RAP1A: variants seen among roughly 807,000 people sequenced by gnomAD.
RAP1A encodes ras-related protein Rap-1A.
Under a neutral mutation model 26.4 loss-of-function variants are expected in RAP1A, and 6 were observed. That is an observed-to-expected ratio of 0.23 (90% CI 0.12 to 0.45). The LOEUF (loss-of-function observed/expected upper bound fraction) is 0.45. Among genes scored for constraint, RAP1A ranks in the 20% least tolerant of loss-of-function variants. The pLI, the probability that RAP1A is intolerant of heterozygous loss-of-function variation, is 0.99. For missense variants in RAP1A, 121 were observed against 217.2 expected, an observed-to-expected ratio of 0.56 and a Z score of 2.78; for synonymous variants, 73 against 79.4, an observed-to-expected ratio of 0.92 and a Z score of 0.43.
At chr1:111,698,844 C>T (rs562632938) in intron 4 of RAP1A, among the ~76,000 whole-genome samples, 1 of 152,194 alleles carries the variant, frequency 6.6e-6, no homozygotes, top group East Asian at 1.9e-4. Context: ...CTATCTCTCC[C>T]TCTCCCACCC....
chr1:111,655,619 AAACTAATCTCCATGAAG>A (rs147154823), intron 1 of RAP1A, among the ~76,000 whole-genome samples: 8,929 of 150,900 alleles, frequency 0.059, 290 homozygotes, highest in South Asian at 0.085. Context: ...CCAGTTGATA[AAACTAATCTCCATGAAG>A]AACCTTAAAA....
intron 1 of RAP1A, among the ~76,000 whole-genome samples, chr1:111,625,269 A>G (rs1377667058): frequency 6.6e-6 from 1 of 152,004 alleles, no homozygotes; most frequent in Non-Finnish European, 1.5e-5. Context: ...GGTAAAAGAT[A>G]ATTTTGTTCA....
intron 1 of RAP1A, among the ~76,000 whole-genome samples, chr1:111,549,720 C>T (rs1393671291): frequency 6.6e-6 from 1 of 151,944 alleles, no homozygotes; most frequent in African/African-American, 2.4e-5. Context: ...CAAATCATAG[C>T]TCACTGAAGC....
Position 111,603,492 on chromosome 1 carries a change from T to C in RAP1A, c.-28+60983T>C, listed in dbSNP as rs549278023. ...CCAAGTTTGGCAGAGCTGAAGCCAT[T>C]GGTAGGATGTTCTGGGGTGCACTGA... On this transcript the variant is annotated intron_variant, in intron 1 of 7. Transcript: ENST00000356415. Among the ~76,000 whole-genome samples, 17 of 152,366 alleles carry C rather than the reference T, an allele frequency of 1.1e-4. No individual in the cohort carries two copies. The South Asian group carries it at 3.5e-3, about 32-fold the overall frequency.
At chr1:111,570,123 G>A (rs144739846) in intron 1 of RAP1A, among the ~76,000 whole-genome samples, 1 of 152,266 alleles carries the variant, frequency 6.6e-6, no homozygotes, top group Non-Finnish European at 1.5e-5. Flanking sequence ...TGCCCTGTGA[G>A]CAAACAGCCA....
intron 1 of RAP1A, among the ~76,000 whole-genome samples, chr1:111,559,255 C>G (rs953782269): frequency 1.3e-5 from 2 of 152,048 alleles, no homozygotes; most frequent in African/African-American, 4.8e-5. Flanking sequence ...ATAAGATAAT[C>G]AACTAACACA....
At chr1:111,655,014 CAG>C (rs1390209959) in intron 1 of RAP1A, among the ~76,000 whole-genome samples, 1 of 151,592 alleles carries the variant, frequency 6.6e-6, no homozygotes, top group Admixed American at 6.6e-5. Flanking sequence ...CCAGCGGTGA[CAG>C]AGTGAGACCC....
Position 111,650,472 on chromosome 1 carries a change from G to T in RAP1A, c.-28+30538G>T, listed in dbSNP as rs1407807189. 5 of 152,098 alleles carry T rather than the reference G, an allele frequency of 3.3e-5. No homozygotes were observed. In the East Asian group the frequency reaches 9.6e-4, roughly 29 times the overall value. 9.4% of individuals were successfully genotyped at this position (152,098 alleles called of 1,614,324 possible). A position where few individuals can be genotyped will look rare whatever the true frequency, so the allele number is the denominator to read the frequency against. ...TCATGAATTTGTGTGTCATTCTTAT[G>T]CAGGGGCCATGTTAATCTTCCCTAT... On this transcript the variant is annotated intron_variant, in intron 1 of 7. Coordinates refer to ENST00000369709, the MANE Select transcript of RAP1A (RefSeq NM_002884.4).
At chr1:111,618,374 A>G (rs1659060215), upstream of RAP1A, among the ~76,000 whole-genome samples, 1 of 152,166 alleles carries the variant, frequency 6.6e-6, no homozygotes, top group South Asian at 2.1e-4. Flanking sequence ...CCTTCCTGAA[A>G]CAATTATCTT....
chr1:111,643,811 A>C (rs1360397477), intron 1 of RAP1A, among the ~76,000 whole-genome samples: 2 of 152,224 alleles, frequency 1.3e-5, no homozygotes, highest in African/African-American at 4.8e-5. Context: ...ACATTCACAT[A>C]CCATACACAC....
chr1:111,559,076 A>T (rs74112338), intron 1 of RAP1A, among the ~76,000 whole-genome samples: 7,600 of 152,216 alleles, frequency 0.05, 390 homozygotes, highest in East Asian at 0.18. Context: ...GATAATTTTT[A>T]AAAAACATGT....
intron 3 of RAP1A, among the ~76,000 whole-genome samples, chr1:111,696,262 A>G (rs1219095112): frequency 2.0e-5 from 3 of 152,186 alleles, no homozygotes; most frequent in Admixed American, 2.0e-4. Flanking sequence ...AAAAGATTAA[A>G]CTTTAATAGG....
intron 1 of RAP1A, chr1:111,649,075 C>T (rs2101131776): frequency 1.6e-6 from 1 of 611,738 alleles, no homozygotes; most frequent in South Asian, 1.4e-5. Flanking sequence ...AGCTCTGTCT[C>T]ATACTTGACT....
intron 1 of RAP1A, among the ~76,000 whole-genome samples, chr1:111,547,668 A>G (rs1236446754): frequency 6.6e-6 from 1 of 152,148 alleles, no homozygotes; most frequent in Non-Finnish European, 1.5e-5. Flanking sequence ...CAGATTTTTT[A>G]AAGATTAAGA....
intron 1 of RAP1A, chr1:111,648,171 A>C: frequency 4.4e-6 from 1 of 225,260 alleles, no homozygotes; most frequent in South Asian, 8.9e-5. Flanking sequence ...CCCAGGTTCA[A>C]ACAGTGTGTG....
chr1:111,691,786 T>C (rs1167997849), intron 2 of RAP1A, among the ~76,000 whole-genome samples: 1 of 152,232 alleles, frequency 6.6e-6, no homozygotes, highest in Non-Finnish European at 1.5e-5. Flanking sequence ...TTAGATGGAA[T>C]GAAGGTCATT....
chr1:111,563,457 T>C (rs576734793), intron 1 of RAP1A, among the ~76,000 whole-genome samples: 1 of 152,328 alleles, frequency 6.6e-6, no homozygotes, highest in Admixed American at 6.5e-5. Context: ...GAGATTTGTT[T>C]TTCTGAACCT....
intron 1 of RAP1A, chr1:111,602,353 A>T (rs977425774): frequency 6.6e-6 from 1 of 152,246 alleles, no homozygotes; most frequent in Non-Finnish European, 1.5e-5. Flanking sequence ...AGAGCCAAAT[A>T]GTTATCTTTA....
chr1:111,580,211 A>G (rs1002187354), intron 1 of RAP1A, among the ~76,000 whole-genome samples: 11 of 152,214 alleles, frequency 7.2e-5, no homozygotes, highest in African/African-American at 2.7e-4. Flanking sequence ...AAAGTCAAAA[A>G]TTGGTAAGTT....
Sources: allele counts gnomAD v4.1 joint callset (sites outside exome capture counted in the v4.1 genomes callset), GRCh38; gene constraint gnomAD v4.1.1; transcripts MANE v1.5; gene names NCBI Gene and HGNC (gene_info 2026-07-23, HGNC 2026-07-21).